FRG1: variants seen among roughly 807,000 people sequenced by gnomAD.
FRG1 encodes FSHD region gene 1, also known as protein FRG1.
FRG1 carries 19 observed loss-of-function variants against 37.0 expected under a neutral mutation model. The ratio of observed to expected loss-of-function variants is 0.51; its 90% confidence interval spans 0.36 to 0.75. FRG1 has a LOEUF of 0.75. FRG1 is among the 30% of genes least tolerant of loss of function. The pLI is 0.00. For synonymous variants in FRG1, 73 were observed against 96.5 expected (o/e 0.76, Z 1.43); for missense variants, 243 against 301.4 (o/e 0.81, Z 1.44).
chr4:189,941,775 A>C (rs745409702), intron 1 of FRG1: 1 of 338,788 alleles, frequency 3.0e-6, no homozygotes, highest in Non-Finnish European at 5.9e-6. Flanking sequence ...GTAATTTATT[A>C]GCTTTTTAGG....
At chr4:189,947,922 G>A (rs1470895771) in intron 2 of FRG1, among the ~76,000 whole-genome samples, 1 of 152,232 alleles carries the variant, frequency 6.6e-6, no homozygotes, top group East Asian at 1.9e-4. Flanking sequence ...ACACAAGTGT[G>A]TATGAGATTT....
intron 6 of FRG1, among the ~76,000 whole-genome samples, chr4:189,960,352 A>C (rs1437608727): frequency 6.6e-6 from 1 of 152,260 alleles, no homozygotes; most frequent in Non-Finnish European, 1.5e-5. Flanking sequence ...TAGTCTGTGC[A>C]ACATAAAATA....
At chr4:189,958,184 AATTT>A (rs1737070770) in intron 6 of FRG1, among the ~76,000 whole-genome samples, 1 of 151,860 alleles carries the variant, frequency 6.6e-6, no homozygotes, top group African/African-American at 2.4e-5. Flanking sequence ...GATGTACCTT[AATTT>A]ATTTAGTCTT....
intron 2 of FRG1, among the ~76,000 whole-genome samples, chr4:189,951,697 G>A (rs1336811921): frequency 6.6e-6 from 1 of 151,948 alleles, no homozygotes; most frequent in Non-Finnish European, 1.5e-5. Context: ...ACAGGACCTT[G>A]CTCTGTCACT....
At chr4:189,955,852 C>A (rs1449705918) in intron 5 of FRG1, among the ~76,000 whole-genome samples, 1 of 152,074 alleles carries the variant, frequency 6.6e-6, no homozygotes, top group Non-Finnish European at 1.5e-5. Flanking sequence ...CAATGGGCAC[C>A]ACGCAGAGCA....
At chr4:189,960,427 A>G (rs1454472563) in intron 6 of FRG1, among the ~76,000 whole-genome samples, 1 of 152,238 alleles carries the variant, frequency 6.6e-6, no homozygotes, top group Non-Finnish European at 1.5e-5. Flanking sequence ...ATCCTAGTGT[A>G]TTCACTTGGA....
intron 2 of FRG1, among the ~76,000 whole-genome samples, chr4:189,943,962 A>G (rs898132418): frequency 6.6e-6 from 1 of 152,198 alleles, no homozygotes; most frequent in African/African-American, 2.4e-5. Context: ...TATCTAGGGT[A>G]GATATGTAGA....
intron 2 of FRG1, among the ~76,000 whole-genome samples, chr4:189,947,884 T>A (rs1736595711): frequency 6.6e-6 from 1 of 152,258 alleles, no homozygotes; most frequent in Middle Eastern, 3.2e-3. Context: ...TCTCTCCGTG[T>A]GGTCAAGAAA....
At chr4:189,941,198 T>C in intron 1 of FRG1, 127 bp downstream of exon 1, 1 of 836,574 alleles carries the variant, frequency 1.2e-6, no homozygotes, top group Admixed American at 2.3e-5. Flanking sequence ...CCCTGGCCCC[T>C]GTCCGGGCTG....
At chr4:189,946,311 C>CAAAA (rs34356772) in intron 2 of FRG1, among the ~76,000 whole-genome samples, 134 of 105,530 alleles carry the variant, frequency 1.3e-3, no homozygotes, top group Middle Eastern at 0.011. Flanking sequence ...GCTGATAAGC[C>CAAAA]AAAAAAAAAA....
chr4:189,954,984 T>C (rs577460631), intron 4 of FRG1, 53 bp from the exon 5 acceptor site: 18 of 1,108,094 alleles, frequency 1.6e-5, no homozygotes. Context: ...TTTGATGTCC[T>C]ATAATTAATT....
Position 189,961,894 on chromosome 4 carries a change from T to C in FRG1, c.702T>C (p.Ala234=). ...AAGACAGTAAAATTCTTAAAAAGGCTCGGAAAGATGGATTTTTGCATGAGA... is the reference window on the plus strand; with the variant it reads ...AAGACAGTAAAATTCTTAAAAAGGCCCGGAAAGATGGATTTTTGCATGAGA... ...SKEDSKILKK[A]RKDGFLHETL... Residue 234 remains alanine (A), a synonymous_variant, in exon 8 of 9, where the codon GCT becomes GCC. Transcript: ENST00000226798. 2 of 1,599,042 alleles carry C rather than the reference T, an allele frequency of 1.3e-6. No homozygotes were observed. The highest frequency in any genetic ancestry group is 8.5e-7 in the Non-Finnish European group (1 of 1,173,418).
At chr4:189,962,961 A>T in intron 8 of FRG1, 132 bp from the exon 9 acceptor site, 1 of 477,210 alleles carries the variant, frequency 2.1e-6, no homozygotes, top group South Asian at 4.6e-5. Flanking sequence ...AAAAGTATAC[A>T]TATTTTAATA....
chr4:189,942,485 A>G (rs574867703), intron 1 of FRG1, among the ~76,000 whole-genome samples: 1 of 152,250 alleles, frequency 6.6e-6, no homozygotes, highest in African/African-American at 2.4e-5. Context: ...GGCCTTTTGT[A>G]TCTGGCTCCT....
intron 8 of FRG1, 50 bp from the exon 9 acceptor site, chr4:189,963,043 T>C (rs796135521): frequency 7.6e-6 from 10 of 1,311,446 alleles, no homozygotes; most frequent in Non-Finnish European, 1.1e-5. Flanking sequence ...CAGTTGAATA[T>C]ATATGGCATG....
chr4:189,947,469 T>C (rs1736580135), intron 2 of FRG1, among the ~76,000 whole-genome samples: 2 of 152,198 alleles, frequency 1.3e-5, no homozygotes, highest in Non-Finnish European at 2.9e-5. Context: ...CCTGGGCCTT[T>C]GTTAGTTTGT....
chr4:189,945,418 C>T (rs1286427180), intron 2 of FRG1, among the ~76,000 whole-genome samples: 1 of 152,214 alleles, frequency 6.6e-6, no homozygotes, highest in Non-Finnish European at 1.5e-5. Context: ...AAAATGAGGA[C>T]ATTCCTTTTA....
intron 5 of FRG1, 123 bp from the exon 6 acceptor site, chr4:189,957,275 T>C (rs1737022013): frequency 9.2e-6 from 13 of 1,418,106 alleles, no homozygotes; most frequent in Non-Finnish European, 1.2e-5. Flanking sequence ...ATTTTTCAGG[T>C]TTTTCTCTAA....
chr4:189,943,763 C>G (rs1303149889), intron 2 of FRG1, among the ~76,000 whole-genome samples: 2 of 152,160 alleles, frequency 1.3e-5, no homozygotes, highest in African/African-American at 4.8e-5. Flanking sequence ...ACACACTTAA[C>G]CAGCCTGTTT....
Sources: gnomAD v4.1 joint callset for allele counts (sites outside exome capture counted in the v4.1 genomes callset) on GRCh38, gnomAD v4.1.1 for gene constraint, MANE v1.5 for transcripts, NCBI Gene and HGNC (gene_info 2026-07-23, HGNC 2026-07-21) for gene names.